Variants in MOGAT1 observed in about 807,000 individuals in gnomAD.
MOGAT1 encodes monoacylglycerol O-acyltransferase 1.
Under a neutral mutation model 31.4 loss-of-function variants are expected in MOGAT1, and 32 were observed. The observed-to-expected ratio is 1.02, with a 90% CI of 0.77 to 1.37. The LOEUF (loss-of-function observed/expected upper bound fraction) is 1.37, where lower values mean the gene tolerates loss of function less well. Ranked by LOEUF, MOGAT1 falls within the 40% of genes most tolerant of loss-of-function variation. The probability of loss-of-function intolerance (pLI) is 0.00; values close to 1 mark genes in which losing one functional copy is unlikely to be tolerated. For missense variants in MOGAT1, 426 were observed against 402.0 expected (o/e 1.06, Z -0.51); for synonymous variants, 145 against 144.5 (o/e 1.00, Z -0.03).
At chr2:222,677,385 C>T (rs546046273) in intron 1 of MOGAT1, among the ~76,000 whole-genome samples, 4 of 152,246 alleles carry the variant, frequency 2.6e-5, no homozygotes, top group South Asian at 2.1e-4. Flanking sequence ...TCAAGACCAT[C>T]CTGGCTAACA....
At chr2:222,680,470 T>C (rs1272914264) in intron 1 of MOGAT1, among the ~76,000 whole-genome samples, 2 of 148,994 alleles carry the variant, frequency 1.3e-5, no homozygotes, top group Non-Finnish European at 2.9e-5. Flanking sequence ...AACACACATA[T>C]GAAGAAAACT....
Position 222,671,666 on chromosome 2 carries a change from C to A in MOGAT1, c.-120C>A. 1 of 836,746 alleles carries A rather than the reference C, an allele frequency of 1.2e-6. No individual in the cohort carries two copies. The highest frequency in any genetic ancestry group is 1.7e-5 in the South Asian group (1 of 58,798). 51.8% of individuals were successfully genotyped at this position (836,746 alleles called of 1,614,324 possible). A position where few individuals can be genotyped will look rare whatever the true frequency, so the allele number is the denominator to read the frequency against. ...CTCGCTGCCTAGCCTCTGCCTTTTC[C>A]TCTCCGCCCAGCCAGTGCCCAGCGC... On this transcript the variant is annotated 5_prime_UTR_variant, in exon 1 of 6. Coordinates refer to ENST00000446656, the MANE Select transcript of MOGAT1 (RefSeq NM_058165.3).
chr2:222,707,271 G>A (rs1173332324), intron 5 of MOGAT1, among the ~76,000 whole-genome samples: 1 of 147,084 alleles, frequency 6.8e-6, no homozygotes, highest in African/African-American at 2.5e-5. Flanking sequence ...AAGAGAGAGA[G>A]AAAGAAGGAG....
rs147920741 is a variant in MOGAT1 at position 222,696,501 on chromosome 2, T to G, written c.853+1213T>G. 7.3e-3 allele frequency among the ~76,000 whole-genome samples: 1,114 copies of G among 152,366 alleles called. 12 individuals are homozygous for G. The highest frequency in any genetic ancestry group is 0.025 in the African/African-American group (1,060 of 41,576). The stretch of plus-strand genomic sequence containing the variant: ...TATCGCATTATGATTTTGATTTACA[T>G]TTCCCTGATCATTAGTGATGTTGAG... On this transcript the variant is annotated intron_variant, in intron 5 of 5. Coordinates refer to ENST00000446656, the MANE Select transcript of MOGAT1 (RefSeq NM_058165.3).
At chr2:222,677,305 G>T (rs2106031049) in intron 1 of MOGAT1, among the ~76,000 whole-genome samples, 1 of 152,226 alleles carries the variant, frequency 6.6e-6, no homozygotes, top group East Asian at 1.9e-4. Context: ...TATTGGCTGG[G>T]CACAATGGCT....
chr2:222,675,537 T>G (rs1455772726), intron 1 of MOGAT1, among the ~76,000 whole-genome samples: 2 of 149,512 alleles, frequency 1.3e-5, no homozygotes, highest in Admixed American at 1.3e-4. Context: ...TGGAGTGCAG[T>G]GGCGCGATCT....
chr2:222,688,491 G>A lies in MOGAT1; in HGVS notation c.242G>A (p.Trp81Ter). The change falls in exon 2 of 6, where the codon TGG becomes TAG. Residue 81 changes from tryptophan to a stop codon, truncating the protein, a stop_gained. Transcript: ENST00000446656. LOFTEE classifies it high-confidence loss of function. Reference protein sequence around the residue: ...RSSWIKNWTLWKHFKDYFPIH... With the variant: ...RSSWIKNWTL ...AGCTGGATCAAAAATTGGACTCTTTGGAAACACTTTAAGGACTATTTTCCA... is the reference window on the plus strand; with the variant it reads ...AGCTGGATCAAAAATTGGACTCTTTAGAAACACTTTAAGGACTATTTTCCA... The A allele has an allele frequency of 1.2e-6, 2 of 1,613,320 alleles. No homozygotes were observed. Among genetic ancestry groups the A allele is most frequent in the African/African-American group, 1.3e-5 (1 of 74,986 alleles).
rs1162077047 is a variant in MOGAT1, at chr2:222,671,801, G to C, written c.16G>C (p.Ala6Pro). MKVEF[A>P]PLNIQLARRL... is the part of the protein sequence containing the mutation. ...CGGCCAGGCCATGAAGGTAGAGTTTGCACCGCTCAACATCCAGCTGGCGCG... is the reference window on the plus strand; with the variant it reads ...CGGCCAGGCCATGAAGGTAGAGTTTCCACCGCTCAACATCCAGCTGGCGCG... Residue 6 changes from alanine (A) to proline (P), a missense_variant, in exon 1 of 6, where the codon GCA (alanine) becomes CCA (proline). Coordinates refer to ENST00000446656, the MANE Select transcript of MOGAT1 (RefSeq NM_058165.3). 2 of 1,552,952 alleles carry C rather than the reference G, an allele frequency of 1.3e-6. No individual in the cohort carries two copies. Among genetic ancestry groups the C allele is most frequent in the Non-Finnish European group, 1.7e-6 (2 of 1,148,168 alleles).
intron 1 of MOGAT1, among the ~76,000 whole-genome samples, chr2:222,684,158 C>T (rs979164401): frequency 2.0e-5 from 3 of 151,978 alleles, no homozygotes; most frequent in Non-Finnish European, 4.4e-5. Flanking sequence ...AATCCCAACA[C>T]TTTGGGAGGC....
chr2:222,695,235 T>G lies in MOGAT1; in HGVS notation c.800T>G (p.Val267Gly), dbSNP rs771153418. 1 of 1,612,624 alleles carries G rather than the reference T, an allele frequency of 6.2e-7. No individual in the cohort carries two copies. The highest frequency in any genetic ancestry group is 2.2e-5 in the East Asian group (1 of 44,822). ...TTGCCCCTGTTTCATGCCAGGGGAG[T>G]TTTTCAGTACAATTTTGGCCTAATG... ...FALPLFHARG[V>G]FQYNFGLMTY... The change falls in exon 5 of 6, where the codon GTT (valine) becomes GGT (glycine). Residue 267 changes from valine (V) to glycine (G), a missense_variant. By Grantham distance (109) the Val-to-Gly change is moderately radical. Coordinates refer to ENST00000446656, the MANE Select transcript of MOGAT1 (RefSeq NM_058165.3).
At chr2:222,676,209 AC>A (rs1244608230) in intron 1 of MOGAT1, among the ~76,000 whole-genome samples, 1 of 149,642 alleles carries the variant, frequency 6.7e-6, no homozygotes, top group African/African-American at 2.5e-5. Flanking sequence ...TTGGTCTTGA[AC>A]CCCTTGGCTC....
chr2:222,693,739 G>A (rs1692799491), intron 3 of MOGAT1, among the ~76,000 whole-genome samples: 1 of 152,118 alleles, frequency 6.6e-6, no homozygotes, highest in Admixed American at 6.6e-5. Context: ...GCCCCCACGA[G>A]TCAGTTACCT....
chr2:222,671,899 G>A lies in MOGAT1; in HGVS notation c.94+20G>A, dbSNP rs1440087098. ...TGCTCGGTAAGGACCCCGCCCCCCG[G>A]GCCGCGGGGCTTGGGCTCCATATCC... On this transcript the variant is annotated intron_variant, in intron 1 of 5. Coordinates refer to ENST00000446656, the MANE Select transcript of MOGAT1 (RefSeq NM_058165.3). The A allele has an allele frequency of 1.3e-6, 2 of 1,542,996 alleles. No homozygotes were observed.
At chr2:222,674,163 A>G (rs1306005270) in intron 1 of MOGAT1, among the ~76,000 whole-genome samples, 1 of 152,252 alleles carries the variant, frequency 6.6e-6, no homozygotes, top group Non-Finnish European at 1.5e-5. Context: ...TGACGAGGAC[A>G]TGGCAGATGC....
At chr2:222,706,334 A>C (rs1693003121) in intron 5 of MOGAT1, among the ~76,000 whole-genome samples, 1 of 152,050 alleles carries the variant, frequency 6.6e-6, no homozygotes, top group Non-Finnish European at 1.5e-5. Context: ...TTACCCTGGC[A>C]TGGTGGTGCG....
At chr2:222,673,345 A>AAAAAAAAG (rs1692450081) in intron 1 of MOGAT1, among the ~76,000 whole-genome samples, 1 of 151,728 alleles carries the variant, frequency 6.6e-6, no homozygotes. Context: ...AAAAAAAAAA[A>AAAAAAAAG]ATGTAATTCA....
intron 5 of MOGAT1, among the ~76,000 whole-genome samples, chr2:222,702,904 TAAAG>T (rs1043405309): frequency 5.3e-5 from 8 of 149,656 alleles, no homozygotes; most frequent in African/African-American, 1.2e-4. Context: ...TTTAAAAAAA[TAAAG>T]AAAGGGAAAC....
intron 5 of MOGAT1, among the ~76,000 whole-genome samples, chr2:222,707,245 G>A (rs1693015047): frequency 6.8e-6 from 1 of 146,370 alleles, no homozygotes; most frequent in Admixed American, 7.0e-5. Flanking sequence ...GAAGGGAGGG[G>A]AAAGAAAGAG....
At chr2:222,673,956 C>A (rs1692460989) in intron 1 of MOGAT1, among the ~76,000 whole-genome samples, 1 of 152,120 alleles carries the variant, frequency 6.6e-6, no homozygotes, top group Non-Finnish European at 1.5e-5. Context: ...TGGTCTATCA[C>A]CCAGAATAGG....
Sources: gnomAD v4.1 joint callset for allele counts (sites outside exome capture counted in the v4.1 genomes callset) on GRCh38, gnomAD v4.1.1 for gene constraint, MANE v1.5 for transcripts, NCBI Gene and HGNC (gene_info 2026-07-23, HGNC 2026-07-21) for gene names.